Variants in TENM3 observed in about 807,000 individuals in gnomAD.
TENM3 encodes teneurin transmembrane protein 3, also known as teneurin-3.
A neutral mutation model predicts 255.1 loss-of-function variants in TENM3; 63 were observed. The observed-to-expected ratio is 0.25, with a 90% CI of 0.20 to 0.30. The LOEUF is 0.30. Ranked by LOEUF, TENM3 falls within the 10% of genes least tolerant of loss-of-function variation. The pLI, the probability that TENM3 is intolerant of heterozygous loss-of-function variation, is 1.00. For missense variants in TENM3, 2,929 were observed against 3,461.1 expected (o/e 0.85, Z 3.86); for synonymous variants, 1,306 against 1,322.3 (o/e 0.99, Z 0.27).
the TENM3 span, among the ~76,000 whole-genome samples, chr4:181,557,715 G>A: frequency 4.6e-5 from 7 of 151,816 alleles, no homozygotes; most frequent in African/African-American, 1.7e-4. Context: ...CTTTTTAGTA[G>A]AGACAGGGTT....
At chr4:181,482,194 T>G in the TENM3 span, among the ~76,000 whole-genome samples, 1 of 152,146 alleles carries the variant, frequency 6.6e-6, no homozygotes. Context: ...TATAATGTAA[T>G]AGTGATCAGA....
intron 6 of TENM3, among the ~76,000 whole-genome samples, chr4:182,660,783 G>A (rs1250181814): frequency 6.6e-6 from 1 of 152,224 alleles, no homozygotes; most frequent in East Asian, 1.9e-4. Context: ...CACGCACTGA[G>A]CAAGATTCTG....
At chr4:182,192,905 T>C (rs1753608984) in intron 1 of TENM3, among the ~76,000 whole-genome samples, 1 of 152,188 alleles carries the variant, frequency 6.6e-6, no homozygotes, top group Non-Finnish European at 1.5e-5. Flanking sequence ...TAAACTTCTG[T>C]CTGTGGCTAG....
intron 1 of TENM3, among the ~76,000 whole-genome samples, chr4:182,177,367 G>A (rs1367156428): frequency 1.3e-5 from 2 of 151,938 alleles, no homozygotes. Flanking sequence ...CGGCTGCATT[G>A]GAGTTCCTGC....
At chr4:182,571,953 G>A (rs148006161) in intron 3 of TENM3, among the ~76,000 whole-genome samples, 2,347 of 152,304 alleles carry the variant, frequency 0.015, 65 homozygotes, top group African/African-American at 0.053. Flanking sequence ...CCAGGCTGGA[G>A]TGCAGTGGCG....
chr4:181,928,802 G>A, the TENM3 span, among the ~76,000 whole-genome samples: 1 of 152,090 alleles, frequency 6.6e-6, no homozygotes. Context: ...TACCCACAAA[G>A]GAAAGCCCAT....
the TENM3 span, among the ~76,000 whole-genome samples, chr4:181,528,925 A>C: frequency 6.6e-6 from 1 of 152,244 alleles, no homozygotes; most frequent in Admixed American, 6.5e-5. Flanking sequence ...ACATATCTGC[A>C]GGCATATATA....
At chr4:182,160,343 C>CT (rs1579545936) in intron 1 of TENM3, among the ~76,000 whole-genome samples, 1 of 152,128 alleles carries the variant, frequency 6.6e-6, no homozygotes, top group South Asian at 2.1e-4. Flanking sequence ...AAATGGTTAC[C>CT]TTTTTCCACA....
In TENM3 at chr4:182,793,289, A is replaced by G. The variant is rs770492037; in HGVS notation, c.6617A>G (p.Glu2206Gly). 1.2e-6 allele frequency: 2 copies of G among 1,613,766 alleles called. No homozygotes were observed. Among genetic ancestry groups the G allele is most frequent in the Non-Finnish European group, 1.7e-6 (2 of 1,179,824 alleles). Residue 2206 changes from glutamate to glycine, a missense_variant, in exon 26 of 28, where the codon GAA (glutamate) becomes GGA (glycine). This residue lies in a region of TENM3 where 256 missense variants were observed against 389.3 expected (regional missense o/e 0.66). Coordinates refer to ENST00000511685, the MANE Select transcript of TENM3 (RefSeq NM_001080477.4). The surrounding 1 kb of genome is among the most constrained non-coding windows in gnomAD (Gnocchi z 5.7). Reference protein sequence around the residue: ...FLRQRGTEIFEYSSKGLLTRV... With the variant: ...FLRQRGTEIFGYSSKGLLTRV... The stretch of plus-strand genomic sequence containing the variant: ...CGTCAAAGGGGCACGGAAATCTTTG[A>G]ATATAGCTCCAAGGGGCTTCTAACT...
the TENM3 span, among the ~76,000 whole-genome samples, chr4:181,903,796 G>T: frequency 6.6e-6 from 1 of 152,192 alleles, no homozygotes; most frequent in East Asian, 1.9e-4. Flanking sequence ...TACTGTGCTG[G>T]CTACACCTTC....
At chr4:182,586,647 G>A (rs6810879) in intron 3 of TENM3, among the ~76,000 whole-genome samples, 118,892 of 152,164 alleles carry the variant, frequency 0.78, 46,598 homozygotes, top group East Asian at 0.9. Context: ...CTCATTGCAC[G>A]TGCCAAGAAT....
the TENM3 span, among the ~76,000 whole-genome samples, chr4:181,501,694 T>G: frequency 6.6e-6 from 1 of 152,324 alleles, no homozygotes; most frequent in South Asian, 2.1e-4. Context: ...GTTTTTTTTC[T>G]ATGCACAGGA....
the TENM3 span, among the ~76,000 whole-genome samples, chr4:181,872,498 A>G: frequency 2.6e-5 from 4 of 151,956 alleles, no homozygotes; most frequent in Non-Finnish European, 5.9e-5. Context: ...GATAGGCCCC[A>G]GTGTGTGTTG....
intron 3 of TENM3, among the ~76,000 whole-genome samples, chr4:182,420,696 CTT>C (rs938670806): frequency 9.8e-5 from 15 of 152,322 alleles, no homozygotes; most frequent in African/African-American, 3.6e-4. Flanking sequence ...ATTGTACACT[CTT>C]AGCATTGACA....
At chr4:181,873,524 A>G in the TENM3 span, among the ~76,000 whole-genome samples, 218 of 152,232 alleles carry the variant, frequency 1.4e-3, 1 homozygote, top group African/African-American at 4.9e-3. Flanking sequence ...ATTTAGAGGC[A>G]TGTTGTTTTA....
the TENM3 span, among the ~76,000 whole-genome samples, chr4:182,023,420 T>C: frequency 6.6e-6 from 1 of 152,220 alleles, no homozygotes; most frequent in Non-Finnish European, 1.5e-5. Context: ...GTTGCCTCAC[T>C]ATAATTATCA....
chr4:182,046,117 T>A, the TENM3 span, among the ~76,000 whole-genome samples: 3,714 of 152,202 alleles, frequency 0.024, 158 homozygotes, highest in African/African-American at 0.082. Flanking sequence ...TACAGTTTTT[T>A]AAAATATGTG....
At chr4:182,217,009 CTTTTTTTTTTTTTTTT>C (rs3071526) in intron 1 of TENM3, among the ~76,000 whole-genome samples, 4 of 67,528 alleles carry the variant, frequency 5.9e-5, no homozygotes, top group Admixed American at 2.5e-4. Context: ...CATTTTCTTT[CTTTTTTTTTTTTTTTT>C]TTTTTTTTTT....
At chr4:181,940,332 A>T in the TENM3 span, among the ~76,000 whole-genome samples, 2 of 152,212 alleles carry the variant, frequency 1.3e-5, no homozygotes, top group Non-Finnish European at 2.9e-5. Flanking sequence ...AAGAAAATAC[A>T]GATGTCCTCT....
Sources: gnomAD v4.1 joint callset for allele counts (sites outside exome capture counted in the v4.1 genomes callset) on GRCh38, gnomAD v4.1.1 for gene constraint, gnomAD v4.1.1 regional missense constraint, Gnocchi (gnomAD v3.1) non-coding constraint, MANE v1.5 for transcripts, NCBI Gene and HGNC (gene_info 2026-07-23, HGNC 2026-07-21) for gene names.